ADGRG6: variants seen among roughly 807,000 people sequenced by gnomAD.
ADGRG6 encodes the protein adhesion G protein-coupled receptor G6.
In ADGRG6, 84 loss-of-function variants were observed where a neutral mutation model predicts 142.4. The ratio of observed to expected loss-of-function variants is 0.59; its 90% CI spans 0.49 to 0.71. ADGRG6 has a LOEUF of 0.71. Among genes scored for constraint, ADGRG6 ranks in the 30% least tolerant of loss-of-function variants. ADGRG6 has a pLI of 0.00. For missense variants in ADGRG6, 1,367 were observed against 1,466.6 expected (o/e 0.93, Z 1.11); for synonymous variants, 521 against 520.5 (o/e 1.00, Z -0.01).
intron 4 of ADGRG6, among the ~76,000 whole-genome samples, chr6:142,377,163 G>T: frequency 6.6e-6 from 1 of 152,176 alleles, no homozygotes; most frequent in East Asian, 1.9e-4. Flanking sequence ...CCGGGTTCTT[G>T]TCACACAACT....
chr6:142,416,151 A>G (rs1356767685), intron 20 of ADGRG6, 87 bp downstream of exon 20: 1 of 968,472 alleles, frequency 1.0e-6, no homozygotes, highest in East Asian at 2.6e-5. Flanking sequence ...TTAAAAAAAA[A>G]TAGTACCATT....
At chr6:142,357,179 A>G (rs1780485753) in intron 2 of ADGRG6, among the ~76,000 whole-genome samples, 1 of 152,200 alleles carries the variant, frequency 6.6e-6, no homozygotes, top group Admixed American at 6.5e-5. Context: ...AATAGAAGAA[A>G]ACTTTTTAAA....
At chr6:142,416,385 T>C (rs1266953273) in intron 20 of ADGRG6, among the ~76,000 whole-genome samples, 1 of 152,160 alleles carries the variant, frequency 6.6e-6, no homozygotes, top group African/African-American at 2.4e-5. Context: ...GTCTTTTCCA[T>C]GATGCTTTAA....
At chr6:142,363,690 C>T (rs1305833932) in intron 2 of ADGRG6, among the ~76,000 whole-genome samples, 1 of 152,130 alleles carries the variant, frequency 6.6e-6, no homozygotes, top group East Asian at 1.9e-4. Context: ...ATACCTCATT[C>T]AGTGGCTACT....
At chr6:142,317,824 T>A (rs1338597875) in intron 2 of ADGRG6, among the ~76,000 whole-genome samples, 18 of 83,890 alleles carry the variant, frequency 2.1e-4, no homozygotes, top group African/African-American at 9.2e-4. Context: ...ATATATTAAT[T>A]TATATTATAT....
chr6:142,336,200 TA>T (rs1779307333), intron 2 of ADGRG6, among the ~76,000 whole-genome samples: 1 of 150,248 alleles, frequency 6.7e-6, no homozygotes, highest in Admixed American at 6.6e-5. Flanking sequence ...GATAAATTTG[TA>T]ATTTTGATTC....
At chr6:142,302,875 A>C (rs1403822812) in intron 1 of ADGRG6, 1 of 153,120 alleles carries the variant, frequency 6.5e-6, no homozygotes, top group African/African-American at 2.4e-5. Flanking sequence ...TAGTTTAGGA[A>C]GTAATTAAGG....
chr6:142,377,952 T>C (rs1049951316), intron 4 of ADGRG6, among the ~76,000 whole-genome samples: 1 of 152,216 alleles, frequency 6.6e-6, no homozygotes, highest in African/African-American at 2.4e-5. Context: ...TTTATTGTTA[T>C]ATTGGATCAT....
chr6:142,374,115 A>C (rs1781386760), intron 4 of ADGRG6, among the ~76,000 whole-genome samples: 1 of 152,110 alleles, frequency 6.6e-6, no homozygotes, highest in East Asian at 1.9e-4. Context: ...TGATCAATAC[A>C]GTATAGCCTG....
intron 2 of ADGRG6, among the ~76,000 whole-genome samples, chr6:142,363,776 A>G (rs913019035): frequency 6.6e-6 from 1 of 152,190 alleles, no homozygotes. Flanking sequence ...AGCTCATAGT[A>G]TAGGAATCAA....
chr6:142,382,125 G>T, intron 5 of ADGRG6, 106 bp downstream of exon 5: 1 of 708,438 alleles, frequency 1.4e-6, no homozygotes. Flanking sequence ...CACTTGGAAA[G>T]CCAGAAAACA....
chr6:142,308,119 T>A (rs2114503665), intron 1 of ADGRG6, among the ~76,000 whole-genome samples: 1 of 152,140 alleles, frequency 6.6e-6, no homozygotes, highest in South Asian at 2.1e-4. Context: ...TAAATGAGAA[T>A]GCCTGGAATG....
intron 2 of ADGRG6, among the ~76,000 whole-genome samples, chr6:142,356,201 C>G (rs1474853061): frequency 6.6e-6 from 1 of 152,180 alleles, no homozygotes; most frequent in Non-Finnish European, 1.5e-5. Context: ...TGTTAGGCAT[C>G]AAGAGCACGC....
In ADGRG6 at chr6:142,400,590, G is replaced by A. The variant is rs759965270; in HGVS notation, c.1673G>A (p.Arg558Gln). 14 of 1,532,094 alleles carry A rather than the reference G, an allele frequency of 9.1e-6. No individual in the cohort carries two copies. Among genetic ancestry groups the A allele is most frequent in the South Asian group, 5.6e-5 (5 of 88,820 alleles). The allele number at this position is 1,532,094 out of a possible 1,614,324, so 94.9% of individuals were successfully genotyped here. A position where few individuals can be genotyped will look rare whatever the true frequency, so the allele number is the denominator to read the frequency against. The change falls in exon 11 of 25, where the codon CGG (arginine) becomes CAG (glutamine). Residue 558 changes from arginine (R) to glutamine (Q), a missense_variant. Transcript: ENST00000367609. ...CPDKPGFSAS[R>Q]ICFYNATNPL... is the part of the protein sequence containing the mutation. ...GACAAGCCTGGCTTTTCTGCTTCTC[G>A]GATATGGTAATATTTTCACTGACTC...
intron 2 of ADGRG6, among the ~76,000 whole-genome samples, chr6:142,333,782 G>A (rs1378612020): frequency 3.9e-5 from 6 of 152,128 alleles, no homozygotes; most frequent in African/African-American, 1.4e-4. Flanking sequence ...AGATATCCAT[G>A]TCCCTGGTAC....
chr6:142,437,997 T>C (rs1439217304), intron 23 of ADGRG6: 1 of 375,488 alleles, frequency 2.7e-6, no homozygotes, highest in African/African-American at 2.1e-5. Flanking sequence ...ATCTTTGGGA[T>C]ATTGAAAGTG....
intron 2 of ADGRG6, among the ~76,000 whole-genome samples, chr6:142,359,595 C>G (rs1466020305): frequency 1.3e-5 from 2 of 152,160 alleles, no homozygotes; most frequent in Non-Finnish European, 2.9e-5. Context: ...AGTCTAAACC[C>G]AGGCTATAGT....
At position 142,392,990 on chromosome 6, in the gene ADGRG6, G is replaced by A. The variant is rs144911800; in HGVS notation, c.1351G>A (p.Val451Ile). Residue 451 changes from valine (V) to isoleucine (I), a missense_variant, in exon 8 of 25, where the codon GTT becomes ATT. Physicochemically the swap from Val to Ile is conservative, Grantham distance 29 (BLOSUM62 3). This residue lies in a region of ADGRG6 where 737 missense variants were observed against 746.5 expected (regional missense o/e 0.99). Coordinates refer to ENST00000367609, the MANE Select transcript of ADGRG6 (RefSeq NM_198569.3). ...AAATTGGAACTACACGGTTTATGTC[G>A]TTAATATCAGGTAAGACAGAATAAA... is the stretch of plus-strand genomic sequence containing the variant. ...FQNWNYTVYV[V>I]NISFHLSAGE... 693 of 1,536,848 alleles carry A rather than the reference G, an allele frequency of 4.5e-4. 3 individuals are homozygous for A. Among genetic ancestry groups the A allele is most frequent in the Middle Eastern group, 3.2e-3 (19 of 5,938 alleles).
chr6:142,329,336 G>A (rs952076788), intron 2 of ADGRG6, among the ~76,000 whole-genome samples: 1 of 151,978 alleles, frequency 6.6e-6, no homozygotes. Flanking sequence ...TTTCCTTTCT[G>A]AGTGTTGTTT....
Sources: gnomAD v4.1 joint callset for allele counts (sites outside exome capture counted in the v4.1 genomes callset) on GRCh38, gnomAD v4.1.1 for gene constraint, gnomAD v4.1.1 regional missense constraint, MANE v1.5 for transcripts, NCBI Gene and HGNC (gene_info 2026-07-23, HGNC 2026-07-21) for gene names.